Variants in C12orf56 observed in about 807,000 individuals in gnomAD.
The protein encoded by C12orf56 is chromosome 12 open reading frame 56, also known as uncharacterized protein C12orf56.
In C12orf56, 71 loss-of-function variants were observed where a neutral mutation model predicts 69.9. The ratio of observed to expected loss-of-function variants is 1.02; its 90% confidence interval spans 0.84 to 1.24. The LOEUF (loss-of-function observed/expected upper bound fraction) is 1.24. C12orf56 is among the 50% of genes most tolerant of loss of function. The pLI, the probability that C12orf56 is intolerant of heterozygous loss-of-function variation, is 0.00. For synonymous variants in C12orf56, 276 were observed against 274.1 expected (o/e 1.01, Z -0.07); for missense variants, 732 against 738.5 (o/e 0.99, Z 0.10).
chr12:64,384,090 C>T (rs905485279), intron 1 of C12orf56, among the ~76,000 whole-genome samples: 1 of 152,202 alleles, frequency 6.6e-6, no homozygotes, highest in African/African-American at 2.4e-5. Context: ...TCATAACAAC[C>T]TTAAGAGGTA....
intron 6 of C12orf56, chr12:64,293,485 C>T (rs1041232329): frequency 9.2e-5 from 14 of 152,160 alleles, no homozygotes; most frequent in African/African-American, 3.1e-4. Flanking sequence ...TACTCCCTGT[C>T]GCTCAGTTTC....
chr12:64,302,017 C>A (rs1437915356), intron 6 of C12orf56, among the ~76,000 whole-genome samples: 2 of 152,204 alleles, frequency 1.3e-5, no homozygotes, highest in African/African-American at 4.8e-5. Flanking sequence ...CAATCCCATA[C>A]AATCAGGGTT....
In C12orf56 at chr12:64,266,634, C is replaced by T. The variant is rs765996013; in HGVS notation, c.*549G>A. 7.0e-6 allele frequency: 6 copies of T among 851,856 alleles called. No homozygotes were observed. The highest frequency in any genetic ancestry group is 9.6e-6 in the Non-Finnish European group (6 of 624,344). 52.8% of individuals were successfully genotyped at this position (851,856 alleles called of 1,614,324 possible). A position where few individuals can be genotyped will look rare whatever the true frequency, so the allele number is the denominator to read the frequency against. On this transcript the variant is annotated 3_prime_UTR_variant, in exon 13 of 13. Coordinates refer to ENST00000543942, the MANE Select transcript of C12orf56 (RefSeq NM_001170633.2). ...TTTTGGATGGCTCTGAGTACAGAAT[C>T]GGGTGAAGAGCATGCTCCTGTGCCT...
At chr12:64,320,133 G>A (rs759629400) in intron 3 of C12orf56, among the ~76,000 whole-genome samples, 3 of 152,192 alleles carry the variant, frequency 2.0e-5, no homozygotes, top group East Asian at 3.9e-4. Context: ...CGTCCTAATG[G>A]AGCTGAACAC....
chr12:64,313,304 A>G (rs561236425), intron 4 of C12orf56, among the ~76,000 whole-genome samples: 1 of 151,344 alleles, frequency 6.6e-6, no homozygotes, highest in Non-Finnish European at 1.5e-5. Context: ...GAAAGAAATT[A>G]TTTATCAAAA....
intron 1 of C12orf56, among the ~76,000 whole-genome samples, chr12:64,382,384 C>T (rs536367334): frequency 4.5e-4 from 68 of 151,802 alleles, no homozygotes; most frequent in Middle Eastern, 6.8e-3. Flanking sequence ...AGCCAGGTGA[C>T]CTAATTTGAA....
At position 64,338,567 on chromosome 12, in the gene C12orf56, A is replaced by T; in HGVS notation, c.416-7535T>A. On this transcript the variant is annotated intron_variant, in intron 2 of 12. Transcript: ENST00000543942. ...GAGGACTTTGAGTCTTGCTTGATTC[A>T]TCAAATTGGACATCTGAATTTTCTT... 2.0e-6 allele frequency: 3 copies of T among 1,523,738 alleles called. No homozygotes were observed. In the South Asian group the frequency reaches 3.4e-5, roughly 17 times the overall value. The allele number at this position is 1,523,738 out of a possible 1,614,324, so 94.4% of individuals were successfully genotyped here. A position where few individuals can be genotyped will look rare whatever the true frequency, so the allele number is the denominator to read the frequency against.
chr12:64,334,110 G>A (rs2038964231), intron 2 of C12orf56, among the ~76,000 whole-genome samples: 1 of 152,120 alleles, frequency 6.6e-6, no homozygotes, highest in South Asian at 2.1e-4. Flanking sequence ...TGGTAGTACG[G>A]GCCAGCTGAA....
chr12:64,270,432 G>T, intron 12 of C12orf56, 104 bp downstream of exon 12: 1 of 1,019,174 alleles, frequency 9.8e-7, no homozygotes, highest in Non-Finnish European at 1.4e-6. Context: ...AAGAATTCCT[G>T]ATAAATACCT....
intron 3 of C12orf56, among the ~76,000 whole-genome samples, chr12:64,326,655 TA>T (rs2038845330): frequency 6.6e-6 from 1 of 151,268 alleles, no homozygotes; most frequent in South Asian, 2.1e-4. Flanking sequence ...AAGAATCGCT[TA>T]GGGAACCCAG....
Position 64,325,372 on chromosome 12 carries a change from A to AGAAGAAG in C12orf56, c.488+5587_488+5588insCTTCTTC, listed in dbSNP as rs1555189853. Among the ~76,000 whole-genome samples, 1,200 of 141,402 alleles carry AGAAGAAG rather than the reference A, an allele frequency of 8.5e-3. 9 individuals carry two copies. Among genetic ancestry groups the AGAAGAAG allele is most frequent in the Non-Finnish European group, 0.013 (869 of 65,894 alleles). The allele number at this position is 141,402 out of a possible 152,430, so 92.8% of individuals were successfully genotyped here. A position where few individuals can be genotyped will look rare whatever the true frequency, so the allele number is the denominator to read the frequency against. ...AGCAAGACCCTGTCTAAAAAAAAAA[A>AGAAGAAG]AAGAAGAAGAAGAAGAAGAAAAGAA... On this transcript the variant is annotated intron_variant, in intron 3 of 12. Coordinates refer to ENST00000543942, the MANE Select transcript of C12orf56 (RefSeq NM_001170633.2).
At chr12:64,301,398 C>A (rs1287681179) in intron 6 of C12orf56, among the ~76,000 whole-genome samples, 1 of 151,984 alleles carries the variant, frequency 6.6e-6, no homozygotes, top group Non-Finnish European at 1.5e-5. Flanking sequence ...CTCCTCAGGC[C>A]GCCACAAACA....
Position 64,274,955 on chromosome 12 carries a change from G to A in C12orf56, c.1530C>T (p.Ser510=). The A allele has an allele frequency of 6.2e-7, 1 of 1,611,772 alleles. No individual in the cohort carries two copies. The highest frequency in any genetic ancestry group is 8.5e-7 in the Non-Finnish European group (1 of 1,178,274). Residue 510 remains serine, a synonymous_variant, in exon 11 of 13, where the codon TCC becomes TCT. Transcript: ENST00000543942. Reference sequence around the variant, plus strand: ...TTATCCAGCTAATAGCAAACTTTGTGGATCCCAATCCGAGATTTCCCTAAA... The same window carrying A: ...TTATCCAGCTAATAGCAAACTTTGTAGATCCCAATCCGAGATTTCCCTAAA... ...VFQQGNLGLG[S]TKFAISWIMS...
At chr12:64,347,380 G>A (rs2039159322) in intron 2 of C12orf56, among the ~76,000 whole-genome samples, 1 of 150,234 alleles carries the variant, frequency 6.7e-6, no homozygotes, top group South Asian at 2.1e-4. Flanking sequence ...CAACCTCCTG[G>A]GTTCAAGCAA....
Position 64,286,071 on chromosome 12 carries a change from A to T in C12orf56, c.1114-11T>A. The T allele has an allele frequency of 6.6e-7, 1 of 1,523,046 alleles. No homozygotes were observed. 94.3% of individuals were successfully genotyped at this position (1,523,046 alleles called of 1,614,324 possible). On this transcript the variant is annotated splice_polypyrimidine_tract_variant and intron_variant, in intron 6 of 12. Coordinates refer to ENST00000543942, the MANE Select transcript of C12orf56 (RefSeq NM_001170633.2). ...GAAAAGGTCACTGGTCTGTGAAAGC[A>T]AGTTGGAAAAAAAGACAGTAATTAA...
chr12:64,385,053 C>CAA (rs749200010), intron 1 of C12orf56, among the ~76,000 whole-genome samples: 18 of 66,438 alleles, frequency 2.7e-4, no homozygotes, highest in South Asian at 4.6e-4. Context: ...GACTCCTGCT[C>CAA]AAAAAAAAAA....
At chr12:64,274,866 T>G (rs775112776) in intron 11 of C12orf56, 35 bp downstream of exon 11, 7 of 1,502,690 alleles carry the variant, frequency 4.7e-6, no homozygotes, top group East Asian at 2.3e-5. Context: ...TAATTAGGCT[T>G]GGGGGTGATT....
At chr12:64,286,100 A>G (rs778200596) in intron 6 of C12orf56, 40 bp from the exon 7 acceptor site, 26 of 1,289,382 alleles carry the variant, frequency 2.0e-5, no homozygotes, top group Non-Finnish European at 3.3e-6. Flanking sequence ...TAATTAAGGT[A>G]TCTGTTGTTA....
At chr12:64,389,655 C>A (rs1230302323) in intron 1 of C12orf56, among the ~76,000 whole-genome samples, 2 of 152,074 alleles carry the variant, frequency 1.3e-5, no homozygotes, top group Non-Finnish European at 2.9e-5. Flanking sequence ...CACGACCACG[C>A]CTGGGTAATT....
Sources: allele counts gnomAD v4.1 joint callset (sites outside exome capture counted in the v4.1 genomes callset), GRCh38; gene constraint gnomAD v4.1.1; transcripts MANE v1.5; gene names NCBI Gene and HGNC (gene_info 2026-07-23, HGNC 2026-07-21).